Variants in SEC23A observed in about 807,000 individuals in gnomAD.
SEC23A encodes the protein SEC23 homolog A, COPII component.
SEC23A carries 56 observed loss-of-function variants against 103.7 expected under a neutral mutation model. The observed-to-expected ratio is 0.54, with a 90% CI of 0.44 to 0.67. The LOEUF is 0.67. SEC23A is among the 30% of genes least tolerant of loss of function. The pLI is 0.00. For synonymous variants in SEC23A, 281 were observed against 293.0 expected (o/e 0.96, Z 0.42); for missense variants, 784 against 936.4 (o/e 0.84, Z 2.12).
At chr14:39,047,033 T>A (rs1885863084) in intron 15 of SEC23A, among the ~76,000 whole-genome samples, 1 of 152,246 alleles carries the variant, frequency 6.6e-6, no homozygotes, top group Non-Finnish European at 1.5e-5. Context: ...CATTCTTGTT[T>A]ACTCACAGAA....
At chr14:39,036,320 CAA>C (rs59018206) in intron 19 of SEC23A, among the ~76,000 whole-genome samples, 6,688 of 68,592 alleles carry the variant, frequency 0.098, 54 homozygotes, top group African/African-American at 0.15. Flanking sequence ...GACTCCGTCT[CAA>C]AAAAAAAAAA....
At position 39,076,659 on chromosome 14, in the gene SEC23A, C is replaced by T. The variant is rs1051483024; in HGVS notation, c.829-566G>A. 3.3e-5 allele frequency among the ~76,000 whole-genome samples: 5 copies of T among 151,834 alleles called. No individual in the cohort carries two copies. In the East Asian group the frequency reaches 7.7e-4, roughly 23 times the overall value. On this transcript the variant is annotated intron_variant, in intron 7 of 19. Transcript: ENST00000307712. Reference sequence around the variant, plus strand: ...CAAAAAAAAAGGCCAGGCGTGGTGGCTCGCACTTGTAATCCCAGCACTTTG... The same window carrying T: ...CAAAAAAAAAGGCCAGGCGTGGTGGTTCGCACTTGTAATCCCAGCACTTTG...
rs892761245 is a variant in SEC23A at position 39,076,044 on chromosome 14, G to A, written c.878C>T (p.Pro293Leu). 2 of 1,613,174 alleles carry A rather than the reference G, an allele frequency of 1.2e-6. No individual in the cohort carries two copies. Among genetic ancestry groups the A allele is most frequent in the African/African-American group, 2.7e-5 (2 of 74,734 alleles). Residue 293 changes from proline to leucine, a missense_variant, in exon 8 of 20, where the codon CCT becomes CTT. By Grantham distance (98) the Pro-to-Leu change is moderately conservative. Coordinates refer to ENST00000307712, the MANE Select transcript of SEC23A (RefSeq NM_006364.4). ...CACCATTCCAGGCCCCTGAGTAGCA[G>A]GACCACCAATGAACATCATGATACG... is the stretch of plus-strand genomic sequence containing the variant. ...GARIMMFIGGPATQGPGMVVG... is the reference protein window; with the variant it reads ...GARIMMFIGGLATQGPGMVVG...
chr14:39,044,861 A>G lies in SEC23A; in HGVS notation c.1899+302T>C, dbSNP rs551497708. ...CTTCTGGACATTGTTAAAGACGTAAAGAATAATCATATGCTTTGGAGGATT... is the reference window on the plus strand; with the variant it reads ...CTTCTGGACATTGTTAAAGACGTAAGGAATAATCATATGCTTTGGAGGATT... On this transcript the variant is annotated intron_variant, in intron 16 of 19. Transcript: ENST00000307712. 9.8e-5 allele frequency among the ~76,000 whole-genome samples: 15 copies of G among 152,340 alleles called. No individual in the cohort carries two copies. In the South Asian group the frequency reaches 3.1e-3, roughly 32 times the overall value.
In SEC23A at chr14:39,095,669, A is replaced by G. The variant is rs8014813; in HGVS notation, c.221+229T>C. ...ACCACTATTCAGAAGACACTGATGGAATCTAACAGTTTTTATAGTGCCACT... is the reference window on the plus strand; with the variant it reads ...ACCACTATTCAGAAGACACTGATGGGATCTAACAGTTTTTATAGTGCCACT... On this transcript the variant is annotated intron_variant, in intron 2 of 19. Coordinates refer to ENST00000307712, the MANE Select transcript of SEC23A (RefSeq NM_006364.4). Among the ~76,000 whole-genome samples the G allele has an allele frequency of 0.67, 102,370 of 151,922 alleles. 34,809 individuals are homozygous for G. Among genetic ancestry groups the G allele is most frequent in the Non-Finnish European group, 0.71 (48,112 of 67,938 alleles).
intron 19 of SEC23A, among the ~76,000 whole-genome samples, chr14:39,036,320 C>CAAAAAAAAAAA (rs59018206): frequency 4.3e-5 from 3 of 69,898 alleles, no homozygotes; most frequent in Middle Eastern, 9.6e-3. Context: ...GACTCCGTCT[C>CAAAAAAAAAAA]AAAAAAAAAA....
chr14:39,072,086 G>T (rs554035293), intron 9 of SEC23A, among the ~76,000 whole-genome samples: 26 of 151,916 alleles, frequency 1.7e-4, no homozygotes, highest in African/African-American at 6.3e-4. Context: ...ATACAAAATA[G>T]TCGGGTGTGG....
Position 39,042,883 on chromosome 14 carries a change from G to A in SEC23A, c.1900-11C>T, listed in dbSNP as rs759333766. The A allele has an allele frequency of 1.3e-6, 2 of 1,573,632 alleles. No homozygotes were observed. Among genetic ancestry groups the A allele is most frequent in the East Asian group, 4.5e-5 (2 of 44,454 alleles). On this transcript the variant is annotated splice_polypyrimidine_tract_variant and intron_variant, in intron 16 of 19. Coordinates refer to ENST00000307712, the MANE Select transcript of SEC23A (RefSeq NM_006364.4). ...ATCAAGAAGAACCGGCTAACGTAAAGAAAACAATGAGAAATGAGGAAAAAG... is the reference window on the plus strand; with the variant it reads ...ATCAAGAAGAACCGGCTAACGTAAAAAAAACAATGAGAAATGAGGAAAAAG...
rs772407079 is a variant in SEC23A, at chr14:39,040,849, C to T, written c.2025G>A (p.Met675Ile). ...AQWRKSGYQD[M>I]PEYENFRHLL... ...GGTGGCGGAAATTTTCATACTCAGG[C>T]ATATCCTGGTATCCTGACTTCCGCC... Residue 675 changes from methionine to isoleucine, a missense_variant, in exon 18 of 20, where the codon ATG becomes ATA. Around this residue, in one of 2 missense-constraint regions of SEC23A, gnomAD observed 101 missense variants for 162.2 expected, o/e 0.62. Coordinates refer to ENST00000307712, the MANE Select transcript of SEC23A (RefSeq NM_006364.4). 5 of 1,614,136 alleles carry T rather than the reference C, an allele frequency of 3.1e-6. No homozygotes were observed. In the South Asian group the frequency reaches 4.4e-5, roughly 14 times the overall value.
intron 1 of SEC23A, 112 bp from the exon 2 acceptor site, chr14:39,096,251 C>T: frequency 1.4e-6 from 1 of 736,092 alleles, no homozygotes; most frequent in Non-Finnish European, 2.3e-6. Flanking sequence ...TCAGGACCAG[C>T]TGGGCCCCGT....
intron 2 of SEC23A, chr14:39,094,996 C>A (rs772743848): frequency 2.1e-5 from 15 of 700,538 alleles, no homozygotes; most frequent in South Asian, 2.1e-4. Context: ...AAAACTCTAG[C>A]TTCTGGGTAG....
intron 18 of SEC23A, chr14:39,040,448 AACCAAAGCTAGTAT>A: frequency 2.5e-6 from 1 of 407,280 alleles, no homozygotes; most frequent in African/African-American, 2.0e-5. Flanking sequence ...TTTCTTGTTC[AACCAAAGCTAGTAT>A]ACCACCACAA....
At chr14:39,096,438 G>A (rs568584747) in intron 1 of SEC23A, among the ~76,000 whole-genome samples, 1 of 152,056 alleles carries the variant, frequency 6.6e-6, no homozygotes, top group South Asian at 2.1e-4. Flanking sequence ...GCTGAGGCAG[G>A]AGAATCTCTT....
intron 7 of SEC23A, 101 bp downstream of exon 7, chr14:39,085,661 T>C (rs1887408704): frequency 6.9e-7 from 1 of 1,444,856 alleles, no homozygotes; most frequent in South Asian, 1.1e-5. Context: ...AAAAGCACTT[T>C]GGTTCTTCTT....
intron 19 of SEC23A, among the ~76,000 whole-genome samples, chr14:39,038,735 T>C (rs565790037): frequency 6.6e-6 from 1 of 152,368 alleles, no homozygotes; most frequent in South Asian, 2.1e-4. Context: ...TCTTGGCTTA[T>C]CGTGGCCTTT....
In SEC23A at chr14:39,096,036, C is replaced by A. The variant is rs778317222; in HGVS notation, c.83G>T (p.Arg28Leu). Residue 28 changes from arginine to leucine, a missense_variant, in exon 2 of 20, where the codon CGA becomes CTA. Arg to Leu is a moderately radical substitution (Grantham distance 102). Transcript: ENST00000307712. ...AACAACCATTCTTGTAGCTTCCAGTCGACTTGATGGCCAAACATTCCAACT... is the reference window on the plus strand; with the variant it reads ...AACAACCATTCTTGTAGCTTCCAGTAGACTTGATGGCCAAACATTCCAACT... ...RFSWNVWPSS[R>L]LEATRMVVPV... 6.2e-7 allele frequency: 1 copy of A among 1,614,062 alleles called. No individual in the cohort carries two copies. Among genetic ancestry groups the A allele is most frequent in the East Asian group, 2.2e-5 (1 of 44,878 alleles).
intron 1 of SEC23A, among the ~76,000 whole-genome samples, chr14:39,098,932 T>G (rs986011575): frequency 6.6e-6 from 1 of 151,628 alleles, no homozygotes; most frequent in Non-Finnish European, 1.5e-5. Context: ...AAAACACATC[T>G]GCAAAAGGCA....
intron 13 of SEC23A, among the ~76,000 whole-genome samples, chr14:39,058,092 G>A (rs1006655636): frequency 2.0e-5 from 3 of 152,132 alleles, no homozygotes; most frequent in African/African-American, 7.2e-5. Context: ...AGATCAAACT[G>A]AACCTAGGTA....
At chr14:39,095,572 C>T (rs1480278681) in intron 2 of SEC23A, among the ~76,000 whole-genome samples, 1 of 152,180 alleles carries the variant, frequency 6.6e-6, no homozygotes, top group African/African-American at 2.4e-5. Flanking sequence ...GCTGGGATTA[C>T]AGGCATGAGC....
Sources: allele counts gnomAD v4.1 joint callset (sites outside exome capture counted in the v4.1 genomes callset), GRCh38; gene constraint gnomAD v4.1.1; regional missense constraint gnomAD v4.1.1; transcripts MANE v1.5; gene names NCBI Gene and HGNC (gene_info 2026-07-23, HGNC 2026-07-21).